The following SLC20A2 variants were observed in gnomAD, a reference collection of about 807,000 sequenced individuals.
SLC20A2 encodes the protein solute carrier family 20 member 2.
Under a neutral mutation model 61.0 loss-of-function variants are expected in SLC20A2, and 30 were observed. The ratio of observed to expected loss-of-function variants is 0.49; its 90% CI spans 0.37 to 0.67. The LOEUF is 0.67. Among genes scored for constraint, SLC20A2 ranks in the 30% least tolerant of loss-of-function variants. The pLI, the probability that SLC20A2 is intolerant of heterozygous loss-of-function variation, is 0.00. For missense variants in SLC20A2, 626 were observed against 866.4 expected, an observed-to-expected ratio of 0.72 and a Z score of 3.48; for synonymous variants, 351 against 353.3, an observed-to-expected ratio of 0.99 and a Z score of 0.07.
intron 1 of SLC20A2, among the ~76,000 whole-genome samples, chr8:42,538,486 A>C (rs1024531331): frequency 6.6e-6 from 1 of 151,984 alleles, no homozygotes; most frequent in Non-Finnish European, 1.5e-5. Context: ...TTGCAGAGAA[A>C]GTCAGGCTGG....
In SLC20A2 at chr8:42,417,959, C is replaced by T. The variant is rs761069656; in HGVS notation, c.1803G>A (p.Ser601=). The T allele has an allele frequency of 2.9e-5, 47 of 1,613,268 alleles. No homozygotes were observed. In the Middle Eastern group the frequency reaches 5.0e-4, roughly 17 times the overall value. Residue 601 remains serine, a synonymous_variant, in exon 11 of 11, where the codon TCG becomes TCA. Coordinates refer to ENST00000520262, the MANE Select transcript of SLC20A2 (RefSeq NM_001257180.2). ...AGCGGATCCAGCCCACGGCCACCAC[C>T]GAGCCCACCTGTGGGAGCAGACATT... ...PVSTTHCKVG[S]VVAVGWIRSR...
chr8:42,460,184 T>C, intron 4 of SLC20A2, 192 bp from the exon 5 acceptor site: 1 of 495,512 alleles, frequency 2.0e-6, no homozygotes, highest in South Asian at 2.3e-5. Context: ...GGGCCATCTC[T>C]CCCACACAAA....
intron 5 of SLC20A2, among the ~76,000 whole-genome samples, chr8:42,459,013 C>T (rs1178837120): frequency 1.4e-5 from 2 of 147,746 alleles, no homozygotes; most frequent in Non-Finnish European, 3.0e-5. Flanking sequence ...TGGCTCACGC[C>T]TGTAATCCCA....
At chr8:42,501,893 A>C (rs988229342), upstream of SLC20A2, among the ~76,000 whole-genome samples, 6 of 152,236 alleles carry the variant, frequency 3.9e-5, no homozygotes. Context: ...GTTGGAACTC[A>C]AGTTAACAGG....
intron 5 of SLC20A2, among the ~76,000 whole-genome samples, chr8:42,446,939 T>C (rs1482763559): frequency 6.6e-6 from 1 of 152,120 alleles, no homozygotes; most frequent in Non-Finnish European, 1.5e-5. Flanking sequence ...GTTAAAAAAT[T>C]TAATTCAAAG....
intron 1 of SLC20A2, chr8:42,538,249 C>T (rs1176435461): frequency 6.8e-6 from 1 of 147,890 alleles, no homozygotes; most frequent in African/African-American, 2.5e-5. Flanking sequence ...TTATATATTA[C>T]ATATATTACA....
intron 1 of SLC20A2, among the ~76,000 whole-genome samples, chr8:42,510,375 G>A (rs1264962676): frequency 6.6e-6 from 1 of 152,076 alleles, no homozygotes. Flanking sequence ...ATTCTGTATT[G>A]GATAGAATGT....
chr8:42,451,817 GA>G (rs1805698573), intron 5 of SLC20A2, among the ~76,000 whole-genome samples: 1 of 142,670 alleles, frequency 7.0e-6, no homozygotes, highest in African/African-American at 2.7e-5. Context: ...TGGAGGAGGA[GA>G]AGGAAGAGAT....
chr8:42,519,137 AC>A (rs1476731667), intron 1 of SLC20A2, among the ~76,000 whole-genome samples: 1 of 152,102 alleles, frequency 6.6e-6, no homozygotes, highest in African/African-American at 2.4e-5. Context: ...CAGAAGTATC[AC>A]CTTGGCAGCA....
chr8:42,417,739 A>G lies in SLC20A2; in HGVS notation c.*64T>C. On this transcript the variant is annotated 3_prime_UTR_variant, in exon 11 of 11. Coordinates refer to ENST00000520262, the MANE Select transcript of SLC20A2 (RefSeq NM_001257180.2). The stretch of plus-strand genomic sequence containing the variant: ...GGATGTGTATGTGCGGCACGAGCAC[A>G]CATGTCTCCCACACGCCAACACCAG... 1 of 1,564,720 alleles carries G rather than the reference A, an allele frequency of 6.4e-7. No individual in the cohort carries two copies.
chr8:42,536,494 T>G (rs987478626), intron 1 of SLC20A2: 1 of 152,190 alleles, frequency 6.6e-6, no homozygotes, highest in African/African-American at 2.4e-5. Flanking sequence ...TTAGATTCAG[T>G]GACTGTTGAT....
At chr8:42,442,767 A>C (rs1236603788) in intron 6 of SLC20A2, among the ~76,000 whole-genome samples, 1 of 152,240 alleles carries the variant, frequency 6.6e-6, no homozygotes, top group African/African-American at 2.4e-5. Context: ...TAAAGTCTAG[A>C]GATGAATCTA....
chr8:42,496,030 G>A (rs1809903780), intron 1 of SLC20A2, among the ~76,000 whole-genome samples: 1 of 152,198 alleles, frequency 6.6e-6, no homozygotes, highest in Non-Finnish European at 1.5e-5. Flanking sequence ...GAATACAGGC[G>A]TGAGCCACCA....
chr8:42,533,028 TAAAC>T (rs1011612281), intron 1 of SLC20A2, among the ~76,000 whole-genome samples: 6 of 152,018 alleles, frequency 3.9e-5, no homozygotes, highest in African/African-American at 1.5e-4. Flanking sequence ...GACCAAGTGA[TAAAC>T]AGGGCAGAAG....
At chr8:42,458,807 G>A (rs1403771941) in intron 5 of SLC20A2, among the ~76,000 whole-genome samples, 1 of 151,942 alleles carries the variant, frequency 6.6e-6, no homozygotes, top group African/African-American at 2.4e-5. Context: ...TACTCGGGAG[G>A]CTGAGGCAGG....
chr8:42,537,342 A>ACC (rs1332103200), intron 1 of SLC20A2, among the ~76,000 whole-genome samples: 1 of 147,800 alleles, frequency 6.8e-6, no homozygotes, highest in African/African-American at 2.5e-5. Context: ...CTGTACTCTA[A>ACC]CCCGGGCGAC....
intron 1 of SLC20A2, chr8:42,541,805 G>C (rs1363099415): frequency 6.6e-6 from 1 of 150,462 alleles, no homozygotes; most frequent in African/African-American, 2.4e-5. Context: ...CGGGGGTAAG[G>C]GGGGTGGCCG....
chr8:42,430,453 C>T (rs1366883702), intron 8 of SLC20A2, among the ~76,000 whole-genome samples: 5 of 150,952 alleles, frequency 3.3e-5, no homozygotes, highest in African/African-American at 1.2e-4. Context: ...ACCTCCACCT[C>T]TCCGGTTCAA....
chr8:42,523,955 C>A lies in SLC20A2; in HGVS notation c.-265+17866G>T, dbSNP rs543148656. 5.6e-4 allele frequency among the ~76,000 whole-genome samples: 85 copies of A among 152,280 alleles called. No individual in the cohort carries two copies. In the South Asian group the frequency reaches 6.0e-3, roughly 11 times the overall value. On this transcript the variant is annotated intron_variant, in intron 1 of 10. Transcript: ENST00000342228. ...AGAGTTAATTAAGGTAAAAAAGCAA[C>A]AATATATAGTTAGAGATCGGCCATA...
Sources: allele counts gnomAD v4.1 joint callset (sites outside exome capture counted in the v4.1 genomes callset), GRCh38; gene constraint gnomAD v4.1.1; transcripts MANE v1.5; gene names NCBI Gene and HGNC (gene_info 2026-07-23, HGNC 2026-07-21).